Variants in PEX5L observed in about 807,000 individuals in gnomAD.
PEX5L encodes peroxisomal biogenesis factor 5 like.
PEX5L carries 30 observed loss-of-function variants against 84.0 expected under a neutral mutation model. The ratio of observed to expected loss-of-function variants is 0.36; its 90% CI spans 0.27 to 0.48. PEX5L has a LOEUF of 0.48. Among genes scored for constraint, PEX5L ranks in the 20% least tolerant of loss-of-function variants. PEX5L has a pLI of 0.99. For missense variants in PEX5L, 533 were observed against 754.6 expected, an observed-to-expected ratio of 0.71 and a Z score of 3.44; for synonymous variants, 270 against 283.1, an observed-to-expected ratio of 0.95 and a Z score of 0.46.
At chr3:180,024,898 T>C (rs1036177914) in intron 1 of PEX5L, among the ~76,000 whole-genome samples, 5 of 152,062 alleles carry the variant, frequency 3.3e-5, no homozygotes, top group Non-Finnish European at 7.4e-5. Flanking sequence ...CCAGCTGAAG[T>C]GGTGAAGAGG....
intron 3 of PEX5L, among the ~76,000 whole-genome samples, chr3:179,892,481 T>A (rs2108908171): frequency 6.6e-6 from 1 of 152,280 alleles, no homozygotes; most frequent in African/African-American, 2.4e-5. Context: ...TCCAAGAATT[T>A]TTTTTGTATT....
Position 180,036,894 on chromosome 3 carries a change from C to T in PEX5L, c.-295G>A. 1 of 488,824 alleles carries T rather than the reference C, an allele frequency of 2.0e-6. No individual in the cohort carries two copies. The highest frequency in any genetic ancestry group is 1.9e-5 in the African/African-American group (1 of 51,986). 30.3% of individuals were successfully genotyped at this position (488,824 alleles called of 1,614,324 possible). The stretch of plus-strand genomic sequence containing the variant: ...GGCGCGGGTCCTGCTCGCGGGGCGT[C>T]TCTAGAACTCACTCCTTCTTCGCCG... On this transcript the variant is annotated 5_prime_UTR_variant, in exon 1 of 15. Transcript: ENST00000467460.
intron 8 of PEX5L, among the ~76,000 whole-genome samples, chr3:179,822,034 C>G (rs898106521): frequency 6.6e-6 from 1 of 152,114 alleles, no homozygotes; most frequent in African/African-American, 2.4e-5. Flanking sequence ...TTATTAGATA[C>G]TAAAAACTTT....
intron 1 of PEX5L, among the ~76,000 whole-genome samples, chr3:179,986,557 C>T (rs897239512): frequency 9.2e-5 from 14 of 152,042 alleles, no homozygotes; most frequent in East Asian, 5.8e-4. Context: ...CGCCCGCCAC[C>T]ACGCCCGGCT....
At chr3:179,886,507 A>G (rs1354188423) in intron 4 of PEX5L, among the ~76,000 whole-genome samples, 1 of 152,204 alleles carries the variant, frequency 6.6e-6, no homozygotes, top group Non-Finnish European at 1.5e-5. Flanking sequence ...CATGGTGTTA[A>G]GCTTTTTCAT....
chr3:179,996,314 G>A (rs1319207340), intron 1 of PEX5L, among the ~76,000 whole-genome samples: 1 of 152,220 alleles, frequency 6.6e-6, no homozygotes, highest in Admixed American at 6.5e-5. Context: ...GATAATGGGG[G>A]AAGGAACATA....
chr3:179,833,224 A>G (rs1358768646), intron 8 of PEX5L, among the ~76,000 whole-genome samples: 1 of 152,238 alleles, frequency 6.6e-6, no homozygotes, highest in East Asian at 1.9e-4. Context: ...GAGTGAAGAA[A>G]TAAGAGGATT....
intron 8 of PEX5L, among the ~76,000 whole-genome samples, chr3:179,851,242 C>T (rs1177494929): frequency 6.6e-6 from 1 of 152,174 alleles, no homozygotes; most frequent in African/African-American, 2.4e-5. Flanking sequence ...TTATTTCTCA[C>T]AGTTCTGGAG....
At chr3:179,961,643 A>C (rs1782072501) in intron 2 of PEX5L, among the ~76,000 whole-genome samples, 1 of 152,194 alleles carries the variant, frequency 6.6e-6, no homozygotes, top group African/African-American at 2.4e-5. Flanking sequence ...TGAAAATAAG[A>C]AAAATATTTT....
At chr3:179,946,406 T>C (rs1386492299) in intron 2 of PEX5L, among the ~76,000 whole-genome samples, 2 of 152,182 alleles carry the variant, frequency 1.3e-5, no homozygotes, top group Admixed American at 1.3e-4. Context: ...CTAAATTCAC[T>C]AGACACCATC....
intron 1 of PEX5L, among the ~76,000 whole-genome samples, chr3:179,990,277 T>A (rs1470884658): frequency 6.6e-6 from 1 of 152,246 alleles, no homozygotes; most frequent in East Asian, 1.9e-4. Flanking sequence ...GGTACTTTAA[T>A]CATTTGCACT....
intron 1 of PEX5L, among the ~76,000 whole-genome samples, chr3:180,025,632 G>A (rs1178639572): frequency 6.6e-6 from 1 of 152,110 alleles, no homozygotes; most frequent in African/African-American, 2.4e-5. Context: ...TGACGGATGA[G>A]TAAACATTCA....
intron 1 of PEX5L, among the ~76,000 whole-genome samples, chr3:179,986,849 G>T (rs576175700): frequency 2.4e-4 from 37 of 152,086 alleles, no homozygotes; most frequent in African/African-American, 8.9e-4. Context: ...CCATTTCATT[G>T]AAAGTTCGAA....
intron 3 of PEX5L, among the ~76,000 whole-genome samples, chr3:179,892,979 C>T (rs996672740): frequency 1.3e-5 from 2 of 152,070 alleles, no homozygotes; most frequent in Admixed American, 1.3e-4. Flanking sequence ...GAGGGAAAAC[C>T]CTTAAGTGGT....
chr3:179,965,111 A>G (rs1783014436), intron 2 of PEX5L, among the ~76,000 whole-genome samples: 1 of 152,240 alleles, frequency 6.6e-6, no homozygotes. Flanking sequence ...ATGGCAGAAG[A>G]GCTGGCACCG....
chr3:179,959,239 C>T (rs1055985312), intron 2 of PEX5L, among the ~76,000 whole-genome samples: 2 of 152,128 alleles, frequency 1.3e-5, no homozygotes, highest in Non-Finnish European at 2.9e-5. Flanking sequence ...GCCCACGTCT[C>T]CTCCTGGGAA....
At chr3:180,010,012 C>G (rs766984504) in intron 1 of PEX5L, among the ~76,000 whole-genome samples, 4 of 151,908 alleles carry the variant, frequency 2.6e-5, no homozygotes, top group Non-Finnish European at 4.4e-5. Flanking sequence ...GGCGCGATCT[C>G]GACACACTGC....
intron 3 of PEX5L, among the ~76,000 whole-genome samples, chr3:179,892,695 A>T (rs1263809995): frequency 6.6e-6 from 1 of 152,150 alleles, no homozygotes; most frequent in African/African-American, 2.4e-5. Flanking sequence ...TCCCAGTCAC[A>T]TCTTTTAAAT....
rs563775981 is a variant in PEX5L, at chr3:179,875,410, A to G, written c.573T>C (p.His191=). The part of the protein sequence containing the change: ...KFHGDRNTKG[H]PMAERKSSSS... ...AGGATGATTTTCTCTCTGCCATTGG[A>G]TGTCCCTTGGTATTTCGATCTCCAT... Residue 191 remains histidine, a synonymous_variant, in exon 6 of 15, where the codon CAT becomes CAC. Transcript: ENST00000467460. The G allele has an allele frequency of 3.1e-6, 5 of 1,613,170 alleles. No individual in the cohort carries two copies. In the African/African-American group the frequency reaches 5.3e-5, roughly 17 times the overall value.
Sources: gnomAD v4.1 joint callset for allele counts (sites outside exome capture counted in the v4.1 genomes callset) on GRCh38, gnomAD v4.1.1 for gene constraint, MANE v1.5 for transcripts, NCBI Gene and HGNC (gene_info 2026-07-23, HGNC 2026-07-21) for gene names.